Variants in PCLO observed in about 807,000 individuals in gnomAD.
PCLO encodes piccolo presynaptic cytomatrix protein.
PCLO carries 82 observed loss-of-function variants against 427.5 expected under a neutral mutation model. The ratio of observed to expected loss-of-function variants is 0.19; its 90% CI spans 0.16 to 0.23. PCLO has a LOEUF of 0.23. Among genes scored for constraint, PCLO ranks in the 10% least tolerant of loss-of-function variants. PCLO has a pLI of 1.00. For missense variants in PCLO, 6,239 were observed against 6,115.9 expected (o/e 1.02, Z -0.67); for synonymous variants, 2,357 against 2,155.4 (o/e 1.09, Z -2.59).
At chr7:82,988,856 C>T (rs890638420) in intron 3 of PCLO, among the ~76,000 whole-genome samples, 7 of 150,490 alleles carry the variant, frequency 4.7e-5, no homozygotes, top group Admixed American at 2.0e-4. Flanking sequence ...TTCTTTGAGA[C>T]GGAGTTTCGC....
At chr7:82,790,731 C>T (rs1271577210) in intron 22 of PCLO, among the ~76,000 whole-genome samples, 1 of 152,140 alleles carries the variant, frequency 6.6e-6, no homozygotes, top group East Asian at 1.9e-4. Context: ...AAGAGAAGCA[C>T]AGTCAATATA....
chr7:83,124,797 C>G (rs1353680784), intron 3 of PCLO, among the ~76,000 whole-genome samples: 2 of 152,158 alleles, frequency 1.3e-5, no homozygotes, highest in Admixed American at 1.3e-4. Flanking sequence ...CCAGGGTCTC[C>G]CTCTGTTGCT....
At chr7:82,821,663 T>C (rs1791795292) in intron 20 of PCLO, 1 of 973,592 alleles carries the variant, frequency 1.0e-6, no homozygotes. Context: ...TCAATTGTTA[T>C]ACTTTGATTG....
chr7:82,965,706 T>C (rs1050826637), intron 4 of PCLO, 65 bp downstream of exon 4: 8 of 1,081,484 alleles, frequency 7.4e-6, no homozygotes, highest in Non-Finnish European at 1.1e-5. Context: ...GCAACTTGTA[T>C]ACTTAGGTTA....
At chr7:82,773,882 G>A (rs1167995049) in intron 22 of PCLO, among the ~76,000 whole-genome samples, 1 of 152,134 alleles carries the variant, frequency 6.6e-6, no homozygotes, top group Non-Finnish European at 1.5e-5. Flanking sequence ...GAAGGTAAGA[G>A]GAGAGAGCCC....
At chr7:82,963,401 A>G (rs977026954) in intron 4 of PCLO, among the ~76,000 whole-genome samples, 85 of 152,188 alleles carry the variant, frequency 5.6e-4, no homozygotes, top group Non-Finnish European at 1.1e-3. Context: ...GAAGGTTAAC[A>G]CTTATTTGTG....
chr7:82,864,758 G>C (rs888434056), intron 10 of PCLO, among the ~76,000 whole-genome samples: 3 of 152,030 alleles, frequency 2.0e-5, no homozygotes, highest in Non-Finnish European at 4.4e-5. Flanking sequence ...TTTGCTGAAT[G>C]AATGAATGGA....
Position 83,162,501 on chromosome 7 carries a change from C to A in PCLO, c.92G>T (p.Ser31Ile), listed in dbSNP as rs368159454. Residue 31 changes from serine to isoleucine, a missense_variant, in exon 1 of 25, where the codon AGC (serine) becomes ATC (isoleucine). Ser to Ile is a moderately radical substitution (Grantham distance 142). Coordinates refer to ENST00000333891, the MANE Select transcript of PCLO (RefSeq NM_033026.6). Reference protein sequence around the residue: ...AAGGGASGAGSPSHTAIPAGM... With the variant: ...AAGGGASGAGIPSHTAIPAGM... Reference sequence around the variant, plus strand: ...GGCCGGGATCGCGGTGTGAGAGGGGCTCCCCGCCCCGCTAGCTCCTCCTCC... The same window carrying A: ...GGCCGGGATCGCGGTGTGAGAGGGGATCCCCGCCCCGCTAGCTCCTCCTCC... 40 of 1,566,522 alleles carry A rather than the reference C, an allele frequency of 2.6e-5. No homozygotes were observed. The highest frequency in any genetic ancestry group is 3.0e-5 in the Non-Finnish European group (35 of 1,156,272).
chr7:83,095,544 T>C (rs1790512251), intron 3 of PCLO, among the ~76,000 whole-genome samples: 1 of 151,990 alleles, frequency 6.6e-6, no homozygotes, highest in Non-Finnish European at 1.5e-5. Flanking sequence ...ACGTTTTCTC[T>C]TTTATAATGT....
intron 20 of PCLO, among the ~76,000 whole-genome samples, chr7:82,813,247 C>T (rs958765928): frequency 1.3e-5 from 2 of 151,650 alleles, no homozygotes; most frequent in Non-Finnish European, 3.0e-5. Context: ...GACCTAACCT[C>T]TCTAGCTAAT....
At chr7:82,794,459 C>CTTTTTTTTTTCTT (rs1791179720) in intron 22 of PCLO, among the ~76,000 whole-genome samples, 7 of 56,368 alleles carry the variant, frequency 1.2e-4, no homozygotes, top group Non-Finnish European at 2.9e-4. Context: ...AATTTTTTTT[C>CTTTTTTTTTTCTT]TTTTTTTTTT....
At chr7:83,097,617 G>A (rs371727442) in intron 3 of PCLO, among the ~76,000 whole-genome samples, 25 of 125,552 alleles carry the variant, frequency 2.0e-4, no homozygotes, top group African/African-American at 5.7e-4. Flanking sequence ...GTTTTTTCAC[G>A]TATCATGCTT....
At chr7:82,783,668 A>G (rs183478031) in intron 22 of PCLO, among the ~76,000 whole-genome samples, 24 of 152,274 alleles carry the variant, frequency 1.6e-4, no homozygotes, top group Admixed American at 7.2e-4. Flanking sequence ...GTAATGAAAA[A>G]TTTAATGAAT....
intron 3 of PCLO, among the ~76,000 whole-genome samples, chr7:83,128,155 T>C (rs967186424): frequency 6.6e-6 from 1 of 151,832 alleles, no homozygotes; most frequent in Non-Finnish European, 1.5e-5. Flanking sequence ...AAATATCAAT[T>C]ACTATCCAAA....
Position 82,952,444 on chromosome 7 carries a change from T to C in PCLO, c.8509A>G (p.Arg2837Gly), listed in dbSNP as rs1241804814. ...GGAAAGACCTGGTCACTTGGTATCC[T>C]GTATGGGGGCTCAGCATGCTTTGAT... Reference protein sequence around the residue: ...TTSKHAEPPYRIPSDQVFPIA... With the variant: ...TTSKHAEPPYGIPSDQVFPIA... Residue 2837 changes from arginine (R) to glycine (G), a missense_variant, in exon 5 of 25, where the codon AGG becomes GGG. Coordinates refer to ENST00000333891, the MANE Select transcript of PCLO (RefSeq NM_033026.6). 14 of 1,613,828 alleles carry C rather than the reference T, an allele frequency of 8.7e-6. No individual in the cohort carries two copies. In the East Asian group the frequency reaches 2.9e-4, roughly 33 times the overall value.
At chr7:83,131,554 T>C (rs35378304) in intron 3 of PCLO, among the ~76,000 whole-genome samples, 74,568 of 151,836 alleles carry the variant, frequency 0.49, 21,165 homozygotes, top group African/African-American at 0.79. Flanking sequence ...GCAACCAGTA[T>C]AGGAGAAGCA....
intron 6 of PCLO, among the ~76,000 whole-genome samples, chr7:82,940,722 G>T (rs1795062420): frequency 7.2e-6 from 1 of 139,314 alleles, no homozygotes; most frequent in African/African-American, 2.6e-5. Context: ...TGAGACATCA[G>T]TTCTATAATC....
intron 22 of PCLO, among the ~76,000 whole-genome samples, chr7:82,792,048 A>G (rs557648968): frequency 1.6e-4 from 24 of 152,138 alleles, no homozygotes; most frequent in African/African-American, 5.5e-4. Context: ...TTTGTATTTT[A>G]CATCATCAAA....
At chr7:83,040,802 G>A (rs1788955473) in intron 3 of PCLO, among the ~76,000 whole-genome samples, 1 of 152,026 alleles carries the variant, frequency 6.6e-6, no homozygotes, top group African/African-American at 2.4e-5. Context: ...TCCCCCGCAG[G>A]CAAAATCTCT....
Sources: gnomAD v4.1 joint callset for allele counts (sites outside exome capture counted in the v4.1 genomes callset) on GRCh38, gnomAD v4.1.1 for gene constraint, MANE v1.5 for transcripts, NCBI Gene and HGNC (gene_info 2026-07-23, HGNC 2026-07-21) for gene names.